Variants in MEGF6 observed in about 807,000 individuals in gnomAD.
The protein encoded by MEGF6 is multiple epidermal growth factor-like domains protein 6.
A neutral mutation model predicts 207.1 loss-of-function variants in MEGF6; 184 were observed. The observed-to-expected ratio is 0.89, with a 90% CI of 0.79 to 1.00. The LOEUF (loss-of-function observed/expected upper bound fraction) is 1.00, where lower values mean the gene tolerates loss of function less well. MEGF6 is among the 50% of genes least tolerant of loss of function. MEGF6 has a pLI of 0.00. For missense variants in MEGF6, 2,282 were observed against 2,202.9 expected (o/e 1.04, Z -0.72); for synonymous variants, 1,038 against 910.0 (o/e 1.14, Z -2.53).
intron 11 of MEGF6, 60 bp downstream of exon 11, chr1:3,509,810 T>C: frequency 6.7e-7 from 1 of 1,488,220 alleles, no homozygotes. Flanking sequence ...GGACGCAGGG[T>C]CAGCTGGGGC....
Position 3,499,886 on chromosome 1 carries a change from G to T in MEGF6, c.2746C>A (p.Arg916=). 1 of 1,560,838 alleles carries T rather than the reference G, an allele frequency of 6.4e-7. No individual in the cohort carries two copies. ...QGHFGPGCEQ[R]CQCQHGAACD... Reference sequence around the variant, plus strand: ...GCTGCTCCATGCTGACACTGGCACCGCTGCTCACAGCCGGGCCCAAAGTGG... The same window carrying T: ...GCTGCTCCATGCTGACACTGGCACCTCTGCTCACAGCCGGGCCCAAAGTGG... The change falls in exon 22 of 37, where the codon CGG becomes AGG. Residue 916 remains arginine, a synonymous_variant. Transcript: ENST00000356575.
intron 2 of MEGF6, among the ~76,000 whole-genome samples, chr1:3,601,266 A>G (rs1036142221): frequency 1.3e-5 from 2 of 152,250 alleles, no homozygotes; most frequent in Admixed American, 6.5e-5. Flanking sequence ...GAGCTCTTCC[A>G]CCACGAGCTG....
chr1:3,496,617 G>A, intron 29 of MEGF6, 38 bp downstream of exon 29: 1 of 1,561,550 alleles, frequency 6.4e-7, no homozygotes. Flanking sequence ...TGGAGACACA[G>A]GAGGCGCCAC....
At chr1:3,604,826 G>A (rs72855430) in intron 1 of MEGF6, among the ~76,000 whole-genome samples, 3,839 of 152,184 alleles carry the variant, frequency 0.025, 159 homozygotes, top group African/African-American at 0.086. Context: ...GAGAATAGGG[G>A]AGGGGGCAGG....
chr1:3,558,364 G>A (rs1643096334), intron 4 of MEGF6, among the ~76,000 whole-genome samples: 1 of 152,178 alleles, frequency 6.6e-6, no homozygotes, highest in Non-Finnish European at 1.5e-5. Context: ...GTCTGGTGCG[G>A]TGGCTCACAC....
intron 4 of MEGF6, among the ~76,000 whole-genome samples, chr1:3,539,312 C>T (rs570876671): frequency 4.7e-4 from 72 of 152,126 alleles, no homozygotes; most frequent in Non-Finnish European, 5.9e-4. Context: ...CCAGGCAGGG[C>T]CAGCAGAGAT....
chr1:3,497,623 TGCA>T, intron 26 of MEGF6: 1 of 656,906 alleles, frequency 1.5e-6, no homozygotes, highest in Non-Finnish European at 2.8e-6. Flanking sequence ...TGGCACAGGC[TGCA>T]GGGACGAGAC....
chr1:3,620,070 C>T, the MEGF6 span, among the ~76,000 whole-genome samples: 12 of 152,176 alleles, frequency 7.9e-5, no homozygotes, highest in Non-Finnish European at 1.8e-4. Context: ...TGTCCCTGCC[C>T]TAGAGATCCG....
chr1:3,608,099 G>T (rs765720467), intron 1 of MEGF6, among the ~76,000 whole-genome samples: 2 of 152,080 alleles, frequency 1.3e-5, no homozygotes, highest in Non-Finnish European at 2.9e-5. Context: ...CAACGGCCTC[G>T]CGCTTATTTT....
intron 4 of MEGF6, among the ~76,000 whole-genome samples, chr1:3,559,959 C>T (rs1190483597): frequency 2.7e-5 from 4 of 147,420 alleles, no homozygotes; most frequent in South Asian, 4.3e-4. Flanking sequence ...TGCAGTGAGC[C>T]GAGATCACAC....
At chr1:3,582,938 C>T (rs1426528913) in intron 3 of MEGF6, among the ~76,000 whole-genome samples, 3 of 152,210 alleles carry the variant, frequency 2.0e-5, no homozygotes, top group Non-Finnish European at 4.4e-5. Context: ...GAGCAGCCCC[C>T]AACTCCATCT....
Position 3,560,854 on chromosome 1 carries a change from TG to T in MEGF6, c.481+18970del, listed in dbSNP as rs1643179796. On this transcript the variant is annotated intron_variant, in intron 4 of 36. Transcript: ENST00000356575. This position sits in a 1 kb window ranked among gnomAD's most constrained non-coding sequence, Gnocchi z 4.0. ...GTCGGCCGCGAGGGGGTTGCTGGGC[TG>T]GCTGGTCCCCCAGGTCTCTACGCGA... 10 of 239,048 alleles carry T rather than the reference TG, an allele frequency of 4.2e-5. No individual in the cohort carries two copies. The African/African-American group carries it at 7.2e-4, about 17-fold the overall frequency. The allele number at this position is 239,048 out of a possible 1,614,324, so 14.8% of individuals were successfully genotyped here.
At chr1:3,491,311 C>T (rs7542144) in intron 35 of MEGF6, among the ~76,000 whole-genome samples, 2,092 of 152,274 alleles carry the variant, frequency 0.014, 48 homozygotes, top group African/African-American at 0.048. Flanking sequence ...CTGAGGCCTC[C>T]AGCTCAATGT....
In MEGF6 at chr1:3,489,080, G is replaced by A. The variant is rs574279415; in HGVS notation, c.*1448C>T. ...CTGGATGCTTCATTTCAAGGTATGC[G>A]TTTTCCACACTCCGTCTGCACCCCA... On this transcript the variant is annotated 3_prime_UTR_variant, in exon 37 of 37. Transcript: ENST00000356575. 3.9e-5 allele frequency among the ~76,000 whole-genome samples: 6 copies of A among 152,128 alleles called. No individual in the cohort carries two copies. The highest frequency in any genetic ancestry group is 1.9e-4 in the East Asian group (1 of 5,200).
In MEGF6 at chr1:3,507,976, A is replaced by G; in HGVS notation, c.1661-53T>C. On this transcript the variant is annotated intron_variant, in intron 13 of 36. Transcript: ENST00000356575. ...GGTCACCAGCCAGCACGACACTCTG[A>G]GACCCCTTCCTAGGGTTGGAGGCTT... is the stretch of plus-strand genomic sequence containing the variant. 4 of 1,580,570 alleles carry G rather than the reference A, an allele frequency of 2.5e-6. No individual in the cohort carries two copies. The East Asian group carries it at 9.0e-5, about 36-fold the overall frequency.
the MEGF6 span, chr1:3,623,454 T>C: frequency 6.6e-6 from 1 of 152,254 alleles, no homozygotes; most frequent in Admixed American, 6.5e-5. Context: ...CTCTGGCAGG[T>C]CTTGCTGGGC....
rs541299590 is a variant in MEGF6 at position 3,554,286 on chromosome 1, C to A, written c.481+25539G>T. On this transcript the variant is annotated intron_variant, in intron 4 of 36. Transcript: ENST00000356575. ...CTGGGAGCATCAACCAGCGCCCCGA[C>A]CAGGCGGCTCCGAGAGAGTGTCGCT... 1.1e-4 allele frequency among the ~76,000 whole-genome samples: 16 copies of A among 152,278 alleles called. No individual in the cohort carries two copies. The East Asian group carries it at 2.9e-3, about 28-fold the overall frequency.
chr1:3,557,911 G>C (rs866661012), intron 4 of MEGF6, among the ~76,000 whole-genome samples: 1 of 152,318 alleles, frequency 6.6e-6, no homozygotes, highest in South Asian at 2.1e-4. Context: ...AGGCTCTCAG[G>C]AAACAAACAT....
intron 1 of MEGF6, among the ~76,000 whole-genome samples, chr1:3,605,802 C>G (rs903115414): frequency 2.0e-5 from 3 of 152,206 alleles, no homozygotes; most frequent in Non-Finnish European, 2.9e-5. Context: ...ATGGGAGGAC[C>G]AGGAAGAGAT....
Sources: allele counts gnomAD v4.1 joint callset (sites outside exome capture counted in the v4.1 genomes callset), GRCh38; gene constraint gnomAD v4.1.1; non-coding constraint Gnocchi (gnomAD v3.1); transcripts MANE v1.5; gene names NCBI Gene and HGNC (gene_info 2026-07-23, HGNC 2026-07-21).